The following ATP8A2 variants were observed in gnomAD, a reference collection of about 807,000 sequenced individuals.
ATP8A2 encodes the protein phospholipid-transporting ATPase IB.
A neutral mutation model predicts 165.6 loss-of-function variants in ATP8A2; 100 were observed. The ratio of observed to expected loss-of-function variants is 0.60; its 90% CI spans 0.51 to 0.71. The LOEUF (loss-of-function observed/expected upper bound fraction) is 0.71, where lower values mean the gene tolerates loss of function less well. Ranked by LOEUF, ATP8A2 falls within the 30% of genes least tolerant of loss-of-function variation. The pLI is 0.00. For synonymous variants in ATP8A2, 543 were observed against 548.8 expected (o/e 0.99, Z 0.15); for missense variants, 1,227 against 1,479.5 (o/e 0.83, Z 2.80).
At chr13:25,787,639 C>A (rs2045063435) in intron 27 of ATP8A2, among the ~76,000 whole-genome samples, 1 of 152,240 alleles carries the variant, frequency 6.6e-6, no homozygotes, top group Non-Finnish European at 1.5e-5. Context: ...CTCTCCTCCT[C>A]ACTTTGGTTA....
At chr13:25,830,979 C>G (rs1388692822) in intron 28 of ATP8A2, among the ~76,000 whole-genome samples, 1 of 152,138 alleles carries the variant, frequency 6.6e-6, no homozygotes, top group African/African-American at 2.4e-5. Flanking sequence ...GCTATTCTTG[C>G]TCCAATAATG....
At chr13:25,536,637 C>T (rs911327099) in intron 6 of ATP8A2, among the ~76,000 whole-genome samples, 3 of 152,118 alleles carry the variant, frequency 2.0e-5, no homozygotes, top group Non-Finnish European at 2.9e-5. Flanking sequence ...TCACAAGTTT[C>T]GTATCACTTG....
intron 24 of ATP8A2, among the ~76,000 whole-genome samples, chr13:25,595,963 G>C (rs2040226255): frequency 1.7e-5 from 2 of 118,148 alleles, no homozygotes; most frequent in Non-Finnish European, 4.4e-5. Context: ...TAACTTTCAT[G>C]AAAGAGACCT....
chr13:25,980,294 T>G (rs1198905997), intron 35 of ATP8A2, among the ~76,000 whole-genome samples: 5 of 152,134 alleles, frequency 3.3e-5, no homozygotes, highest in Non-Finnish European at 7.4e-5. Context: ...GCAACCCTCT[T>G]GCTTCTGAGG....
At chr13:25,821,321 C>T (rs1951174679) in intron 27 of ATP8A2, among the ~76,000 whole-genome samples, 1 of 152,124 alleles carries the variant, frequency 6.6e-6, no homozygotes, top group South Asian at 2.1e-4. Context: ...GAAGGAGATG[C>T]TAGATTTCTT....
chr13:25,731,136 G>C (rs1489144696), intron 25 of ATP8A2, among the ~76,000 whole-genome samples: 1 of 95,540 alleles, frequency 1.0e-5, no homozygotes, highest in African/African-American at 3.9e-5. Context: ...AAGAGAGAGA[G>C]AGAGAGAAAT....
Position 25,953,877 on chromosome 13 carries a change from C to T in ATP8A2, c.3184-7698C>T, listed in dbSNP as rs893007664. On this transcript the variant is annotated intron_variant, in intron 33 of 36. Transcript: ENST00000381655. This position sits in a 1 kb window ranked among gnomAD's most constrained non-coding sequence, Gnocchi z 6.7. ...AAACTGCAGACCAGGAGATTCCCTC[C>T]GGTGCCTACATCACCAGGGCCCTGG... Among the ~76,000 whole-genome samples, 22 of 152,296 alleles carry T rather than the reference C, an allele frequency of 1.4e-4. No individual in the cohort carries two copies. Among genetic ancestry groups the T allele is most frequent in the East Asian group, 5.8e-4 (3 of 5,182 alleles).
intron 1 of ATP8A2, among the ~76,000 whole-genome samples, chr13:25,440,793 T>C (rs9511806): frequency 0.41 from 62,773 of 152,100 alleles, 14,040 homozygotes; most frequent in East Asian, 0.59. Context: ...ATAGGTCATA[T>C]AGCTTAGAAT....
At chr13:25,438,619 C>T (rs2034844689) in intron 1 of ATP8A2, among the ~76,000 whole-genome samples, 1 of 149,746 alleles carries the variant, frequency 6.7e-6, no homozygotes, top group Non-Finnish European at 1.5e-5. Context: ...CCAGCCTGGG[C>T]AACAGAGCAA....
chr13:25,647,021 C>T (rs1314553100), intron 24 of ATP8A2, among the ~76,000 whole-genome samples: 1 of 152,144 alleles, frequency 6.6e-6, no homozygotes, highest in Non-Finnish European at 1.5e-5. Flanking sequence ...TTCTCTTTCC[C>T]CCATTTTATG....
In ATP8A2 at chr13:25,922,317, G is replaced by C. The variant is rs535685610; in HGVS notation, c.3184-39258G>C. Among the ~76,000 whole-genome samples, 5 of 152,298 alleles carry C rather than the reference G, an allele frequency of 3.3e-5. No homozygotes were observed. In the South Asian group the frequency reaches 1.0e-3, roughly 32 times the overall value. ...CAGGGCCCCAGGTGGATTTATAGGTGTTTAGAATAAAAGGATGCTTTTACA... is the reference window on the plus strand; with the variant it reads ...CAGGGCCCCAGGTGGATTTATAGGTCTTTAGAATAAAAGGATGCTTTTACA... On this transcript the variant is annotated intron_variant, in intron 33 of 36. Transcript: ENST00000381655.
intron 23 of ATP8A2, among the ~76,000 whole-genome samples, chr13:25,582,184 C>T (rs537943449): frequency 6.6e-6 from 1 of 152,338 alleles, no homozygotes; most frequent in East Asian, 1.9e-4. Context: ...GACACACTTA[C>T]ATAGGGCATA....
chr13:25,705,265 C>T (rs566766236), intron 25 of ATP8A2: 222 of 334,316 alleles, frequency 6.6e-4, no homozygotes, highest in African/African-American at 4.9e-3. Context: ...AAGTGACTGT[C>T]TCGTCAGGAA....
chr13:26,004,006 T>C (rs1956689418), intron 35 of ATP8A2, among the ~76,000 whole-genome samples: 1 of 152,170 alleles, frequency 6.6e-6, no homozygotes, highest in Non-Finnish European at 1.5e-5. Context: ...TTGAGGGTCT[T>C]TTGTGGTTCC....
intron 2 of ATP8A2, among the ~76,000 whole-genome samples, chr13:25,480,534 G>C (rs1466273095): frequency 6.8e-6 from 1 of 148,126 alleles, no homozygotes; most frequent in Admixed American, 6.7e-5. Context: ...CGGGGCAAAG[G>C]CGCTCCCCAC....
At chr13:25,694,378 A>G (rs556600135) in intron 24 of ATP8A2, among the ~76,000 whole-genome samples, 6 of 152,258 alleles carry the variant, frequency 3.9e-5, no homozygotes, top group Non-Finnish European at 5.9e-5. Context: ...TAGCACCTGG[A>G]TGCTCTCCCT....
chr13:25,870,679 G>A (rs750411741), intron 33 of ATP8A2, among the ~76,000 whole-genome samples: 3 of 152,104 alleles, frequency 2.0e-5, no homozygotes, highest in South Asian at 4.2e-4. Context: ...TTCTGGAGTC[G>A]GTTGGACTCC....
At chr13:25,839,439 C>A in intron 29 of ATP8A2, 107 bp from the exon 30 acceptor site, 1 of 727,012 alleles carries the variant, frequency 1.4e-6, no homozygotes, top group Non-Finnish European at 2.4e-6. Flanking sequence ...CTCCTGGAAC[C>A]GTGCAGCGCA....
chr13:25,562,678 G>A (rs1023869175), intron 15 of ATP8A2, among the ~76,000 whole-genome samples: 1 of 150,730 alleles, frequency 6.6e-6, no homozygotes, highest in Non-Finnish European at 1.5e-5. Context: ...GTACCTTTCA[G>A]CTTATATAGA....
Sources: gnomAD v4.1 joint callset for allele counts (sites outside exome capture counted in the v4.1 genomes callset) on GRCh38, gnomAD v4.1.1 for gene constraint, Gnocchi (gnomAD v3.1) non-coding constraint, MANE v1.5 for transcripts, NCBI Gene and HGNC (gene_info 2026-07-23, HGNC 2026-07-21) for gene names.